ONECUT2: variants seen among roughly 807,000 people sequenced by gnomAD.
ONECUT2 encodes the protein one cut homeobox 2.
Under a neutral mutation model 27.9 loss-of-function variants are expected in ONECUT2, and 10 were observed. The observed-to-expected ratio is 0.36, with a 90% confidence interval of 0.22 to 0.61. The LOEUF (loss-of-function observed/expected upper bound fraction) is 0.61, where lower values mean the gene tolerates loss of function less well. ONECUT2 is among the 20% of genes least tolerant of loss of function. The pLI is 0.73. For synonymous variants in ONECUT2, 334 were observed against 315.1 expected (o/e 1.06, Z -0.64); for missense variants, 686 against 721.0 (o/e 0.95, Z 0.56).
intron 1 of ONECUT2, among the ~76,000 whole-genome samples, chr18:57,473,894 A>G (rs1196928529): frequency 6.6e-6 from 1 of 152,218 alleles, no homozygotes; most frequent in Non-Finnish European, 1.5e-5. Flanking sequence ...TGCAGTCTTC[A>G]CAGGAATGAG....
rs928774623 is a variant in ONECUT2 at position 57,481,450 on chromosome 18, T to G, written c.*4727T>G. 2 of 152,230 alleles carry G rather than the reference T, an allele frequency of 1.3e-5. No individual in the cohort carries two copies. The highest frequency in any genetic ancestry group is 2.9e-5 in the Non-Finnish European group (2 of 68,038). 9.4% of individuals were successfully genotyped at this position (152,230 alleles called of 1,614,324 possible). A position where few individuals can be genotyped will look rare whatever the true frequency, so the allele number is the denominator to read the frequency against. ...TGTAAATCTGATACACACACACTTT[T>G]CTAAGTCAAACAACATATTTCAAAA... On this transcript the variant is annotated 3_prime_UTR_variant, in exon 2 of 2. Coordinates refer to ENST00000491143, the MANE Select transcript of ONECUT2 (RefSeq NM_004852.3).
intron 1 of ONECUT2, among the ~76,000 whole-genome samples, chr18:57,449,870 TTTGCAATCA>T (rs1242734777): frequency 6.6e-6 from 1 of 152,236 alleles, no homozygotes; most frequent in Non-Finnish European, 1.5e-5. Context: ...CTGAACTCGA[TTTGCAATCA>T]TTGCAAATGA....
rs1598950931 is a variant in ONECUT2 at position 57,489,497 on chromosome 18, C to T, written c.*12774C>T. ...CAAAAACATGGCCCATCAATGCCTA[C>T]TTTATCTCTGCTTGAAAATCCTATT... On this transcript the variant is annotated 3_prime_UTR_variant, in exon 2 of 2. Coordinates refer to ENST00000491143, the MANE Select transcript of ONECUT2 (RefSeq NM_004852.3). 6.6e-6 allele frequency: 1 copy of T among 152,192 alleles called. No individual in the cohort carries two copies. Among genetic ancestry groups the T allele is most frequent in the East Asian group, 1.9e-4 (1 of 5,138 alleles). 9.4% of individuals were successfully genotyped at this position (152,192 alleles called of 1,614,324 possible).
chr18:57,472,928 G>A (rs2122148997), intron 1 of ONECUT2, among the ~76,000 whole-genome samples: 1 of 152,282 alleles, frequency 6.6e-6, no homozygotes, highest in Admixed American at 6.5e-5. Flanking sequence ...ATATTTGCCT[G>A]GATTTTGTTA....
intron 1 of ONECUT2, among the ~76,000 whole-genome samples, chr18:57,466,921 C>G (rs980536375): frequency 3.5e-4 from 53 of 152,346 alleles, no homozygotes; most frequent in African/African-American, 1.3e-3. Flanking sequence ...AGAGGTACAT[C>G]TCCACTCGGT....
chr18:57,477,405 AT>A lies in ONECUT2; in HGVS notation c.*692del, dbSNP rs141866674. The A allele has an allele frequency of 0.22, 33,354 of 151,182 alleles. 3,805 individuals are homozygous for A. Among genetic ancestry groups the A allele is most frequent in the South Asian group, 0.28 (1,353 of 4,760 alleles). 9.4% of individuals were successfully genotyped at this position (151,182 alleles called of 1,614,324 possible). ...AAGCTTTAAGTTGATCCAGCTTACA[AT>A]TTTTTTTTTCTTTACCTCCTGGAAA... is the stretch of plus-strand genomic sequence containing the variant. On this transcript the variant is annotated 3_prime_UTR_variant, in exon 2 of 2. Transcript: ENST00000491143.
At position 57,489,667 on chromosome 18, in the gene ONECUT2, C is replaced by G. The variant is rs1044195670; in HGVS notation, c.*12944C>G. On this transcript the variant is annotated 3_prime_UTR_variant, in exon 2 of 2. Transcript: ENST00000491143. ...ACCTGCCACCTGGGAAGAAAAGAGTCCGAAGACTAGCAATCGGATAGGTAG... is the reference window on the plus strand; with the variant it reads ...ACCTGCCACCTGGGAAGAAAAGAGTGCGAAGACTAGCAATCGGATAGGTAG... 1 of 6,818 alleles carries G rather than the reference C, an allele frequency of 1.5e-4. No homozygotes were observed. The highest frequency in any genetic ancestry group is 4.5e-3 in the Non-Finnish European group (1 of 224). The allele number at this position is 6,818 out of a possible 1,614,324, so 0.4% of individuals were successfully genotyped here.
chr18:57,453,603 C>T (rs1034020649), intron 1 of ONECUT2, among the ~76,000 whole-genome samples: 1 of 558 alleles, frequency 1.8e-3, no homozygotes, highest in Non-Finnish European at 7.1e-3. Flanking sequence ...TGTTTTTATG[C>T]CTATGGTTTT....
intron 1 of ONECUT2, chr18:57,467,137 G>A (rs1255462131): frequency 6.6e-6 from 3 of 456,166 alleles, no homozygotes; most frequent in South Asian, 1.6e-5. Context: ...ATAGAGACAG[G>A]AAATAAAACT....
rs879932312 is a variant in ONECUT2, at chr18:57,435,439, A to G, written c.-278A>G. On this transcript the variant is annotated 5_prime_UTR_variant, in exon 1 of 2. The change abolishes an upstream ATG in the 5' untranslated region. Coordinates refer to ENST00000491143, the MANE Select transcript of ONECUT2 (RefSeq NM_004852.3). Reference sequence around the variant, plus strand: ...CGTCGGCGCCGGAGCGGGCTCGGACATGGCGAGGCTGCGAGCCGGCCCGAG... The same window carrying G: ...CGTCGGCGCCGGAGCGGGCTCGGACGTGGCGAGGCTGCGAGCCGGCCCGAG... Among the ~76,000 whole-genome samples, 37 of 151,304 alleles carry G rather than the reference A, an allele frequency of 2.4e-4. No individual in the cohort carries two copies. The highest frequency in any genetic ancestry group is 4.4e-4 in the Non-Finnish European group (30 of 67,790).
Position 57,476,452 on chromosome 18 carries a change from A to C in ONECUT2, c.1244A>C (p.Glu415Ala), listed in dbSNP as rs1441905292. 1.5e-5 allele frequency: 25 copies of C among 1,614,094 alleles called. No homozygotes were observed. The highest frequency in any genetic ancestry group is 2.0e-5 in the Non-Finnish European group (24 of 1,180,036). ...ALRLAACKRK[E>A]QEPNKDRNNS... ...TCCCTTCAAGCGTGCAAACGCAAAG[A>C]GCAAGAACCAAACAAAGACAGGAAC... The change falls in exon 2 of 2, where the codon GAG becomes GCG. Residue 415 changes from glutamate to alanine, a missense_variant. Glu to Ala is a moderately radical substitution (Grantham distance 107). Around this residue, in one of 4 missense-constraint regions of ONECUT2, gnomAD observed 51 missense variants for 41.3 expected, o/e 1.23. Transcript: ENST00000491143.
rs960704271 is a variant in ONECUT2 at position 57,435,924 on chromosome 18, G to A, written c.208G>A (p.Ala70Thr). The A allele has an allele frequency of 1.5e-5, 18 of 1,169,664 alleles. No individual in the cohort carries two copies. Among genetic ancestry groups the A allele is most frequent in the African/African-American group, 3.3e-5 (2 of 61,214 alleles). The allele number at this position is 1,169,664 out of a possible 1,614,324, so 72.5% of individuals were successfully genotyped here. Residue 70 changes from alanine to threonine, a missense_variant, in exon 1 of 2, where the codon GCG (alanine) becomes ACG (threonine). Transcript: ENST00000491143. ...GCTGGCCAGCCCCAGCCCCCACCAC[G>A]CGGGCCGCGGCGCCGCTGGCTCGCT... ...ELLASPSPHHAGRGAAGSLRG... is the reference protein window; with the variant it reads ...ELLASPSPHHTGRGAAGSLRG...
At chr18:57,444,489 C>G in intron 1 of ONECUT2, 1 of 454,748 alleles carries the variant, frequency 2.2e-6, no homozygotes, top group Admixed American at 2.4e-5. Flanking sequence ...GCTTCCCACT[C>G]CACCCCAGTG....
At chr18:57,437,540 G>A (rs79087017) in intron 1 of ONECUT2, among the ~76,000 whole-genome samples, 345 of 152,316 alleles carry the variant, frequency 2.3e-3, no homozygotes, top group African/African-American at 7.8e-3. Flanking sequence ...CGGGGAACCG[G>A]CGGCCAGGAT....
intron 1 of ONECUT2, chr18:57,467,115 T>C (rs1374495352): frequency 4.4e-6 from 2 of 455,122 alleles, no homozygotes; most frequent in African/African-American, 2.0e-5. Context: ...TGACTTTGTA[T>C]TGAAAGTAAA....
At position 57,483,650 on chromosome 18, in the gene ONECUT2, C is replaced by G. The variant is rs2050426321; in HGVS notation, c.*6927C>G. The G allele has an allele frequency of 1.3e-5, 2 of 152,516 alleles. No homozygotes were observed. The highest frequency in any genetic ancestry group is 4.8e-5 in the African/African-American group (2 of 41,422). 9.4% of individuals were successfully genotyped at this position (152,516 alleles called of 1,614,324 possible). ...TGGAATACTCTTGAAGTTTAGTTTG[C>G]TTTATAAAGCAGTGAAATTCTGTTA... On this transcript the variant is annotated 3_prime_UTR_variant, in exon 2 of 2. Transcript: ENST00000491143.
chr18:57,480,135 G>C lies in ONECUT2; in HGVS notation c.*3412G>C, dbSNP rs915422122. ...TGCCCCCTCCTCATTCCCCCTATGT[G>C]GGTCTCCCTATGCAGGAGCTGTGAG... On this transcript the variant is annotated 3_prime_UTR_variant, in exon 2 of 2. Transcript: ENST00000491143. 1.3e-5 allele frequency: 2 copies of C among 152,112 alleles called. No individual in the cohort carries two copies. The highest frequency in any genetic ancestry group is 2.9e-5 in the Non-Finnish European group (2 of 68,050). 9.4% of individuals were successfully genotyped at this position (152,112 alleles called of 1,614,324 possible). A position where few individuals can be genotyped will look rare whatever the true frequency, so the allele number is the denominator to read the frequency against.
rs77539561 is a variant in ONECUT2 at position 57,466,853 on chromosome 18, C to T, written c.1229-9584C>T. 1.1e-4 allele frequency among the ~76,000 whole-genome samples: 16 copies of T among 151,810 alleles called. No homozygotes were observed. The East Asian group carries it at 3.1e-3, about 29-fold the overall frequency. On this transcript the variant is annotated intron_variant, in intron 1 of 1. Transcript: ENST00000491143. ...GACCTAGACCATCTGCTATTAGAAG[C>T]CTGTTCTTTGAGGCTACTCATGTTT... is the stretch of plus-strand genomic sequence containing the variant.
At position 57,458,045 on chromosome 18, in the gene ONECUT2, A is replaced by G. The variant is rs147926018; in HGVS notation, c.1229-18392A>G. Among the ~76,000 whole-genome samples, 610 of 152,316 alleles carry G rather than the reference A, an allele frequency of 4.0e-3. 3 individuals are homozygous for G. Among genetic ancestry groups the G allele is most frequent in the Non-Finnish European group, 7.0e-3 (473 of 68,022 alleles). On this transcript the variant is annotated intron_variant, in intron 1 of 1. Transcript: ENST00000491143. The stretch of plus-strand genomic sequence containing the variant: ...TAAAAGACGAGTTGATGGGTGCAGC[A>G]AACCAACATGGCACATGTATACGTA...
Sources: gnomAD v4.1 joint callset for allele counts (sites outside exome capture counted in the v4.1 genomes callset) on GRCh38, gnomAD v4.1.1 for gene constraint, gnomAD v4.1.1 regional missense constraint, MANE v1.5 for transcripts, NCBI Gene and HGNC (gene_info 2026-07-23, HGNC 2026-07-21) for gene names.